OGFOD1: variants seen among roughly 807,000 people sequenced by gnomAD.
The protein encoded by OGFOD1 is 2-oxoglutarate and iron dependent oxygenase domain containing 1.
OGFOD1 carries 54 observed loss-of-function variants against 67.7 expected under a neutral mutation model. That is an observed-to-expected ratio of 0.80 (90% confidence interval 0.64 to 1.00). OGFOD1 has a LOEUF of 1.00. Ranked by LOEUF, OGFOD1 falls within the 50% of genes least tolerant of loss-of-function variation. The pLI, the probability that OGFOD1 is intolerant of heterozygous loss-of-function variation, is 0.00. For missense variants in OGFOD1, 606 were observed against 646.7 expected (o/e 0.94, Z 0.68); for synonymous variants, 221 against 227.0 (o/e 0.97, Z 0.24).
intron 4 of OGFOD1, 131 bp from the exon 5 acceptor site, chr16:56,466,021 A>G (rs1962884437): frequency 1.6e-6 from 1 of 632,458 alleles, no homozygotes; most frequent in African/African-American, 1.8e-5. Context: ...GTGTCATTTT[A>G]AAGCTGGAGG....
rs185160061 is a variant in OGFOD1, at chr16:56,458,060, G to A, written c.301-488G>A. The stretch of plus-strand genomic sequence containing the variant: ...GCAATAGCTGGAATAGGCCAGGCGC[G>A]CTTCATGCTCAGGACCTTGAATGCT... On this transcript the variant is annotated intron_variant, in intron 2 of 12. Coordinates refer to ENST00000566157, the MANE Select transcript of OGFOD1 (RefSeq NM_018233.4). 13 of 165,344 alleles carry A rather than the reference G, an allele frequency of 7.9e-5. No individual in the cohort carries two copies. In the South Asian group the frequency reaches 7.9e-4, roughly 10 times the overall value. 10.2% of individuals were successfully genotyped at this position (165,344 alleles called of 1,614,324 possible).
chr16:56,454,940 A>G (rs1194377625), intron 2 of OGFOD1: 1 of 205,518 alleles, frequency 4.9e-6, no homozygotes, highest in African/African-American at 2.4e-5. Context: ...GCACAGGTTA[A>G]TTAAAAACCG....
intron 8 of OGFOD1, among the ~76,000 whole-genome samples, chr16:56,469,421 AG>A (rs1963046947): frequency 2.0e-5 from 3 of 152,184 alleles, no homozygotes; most frequent in Non-Finnish European, 4.4e-5. Flanking sequence ...TGGGAGGTTG[AG>A]CAGATTGACG....
chr16:56,473,222 G>A (rs776716584), intron 10 of OGFOD1, among the ~76,000 whole-genome samples: 5 of 152,062 alleles, frequency 3.3e-5, no homozygotes, highest in Non-Finnish European at 7.4e-5. Flanking sequence ...GAGCCACCAC[G>A]CCTGGCCACC....
In OGFOD1 at chr16:56,476,189, T is replaced by C. The variant is rs1011096601; in HGVS notation, c.1613T>C (p.Phe538Ser). 5.0e-6 allele frequency: 8 copies of C among 1,611,700 alleles called. No homozygotes were observed. The highest frequency in any genetic ancestry group is 6.8e-6 in the Non-Finnish European group (8 of 1,179,770). Residue 538 changes from phenylalanine to serine, a missense_variant, in exon 13 of 13, where the codon TTC (phenylalanine) becomes TCC (serine). Phe to Ser is a radical substitution (Grantham distance 155, BLOSUM62 -2). Transcript: ENST00000566157. ...PNRTGFWDFSFIYYE is the reference protein window; with the variant it reads ...PNRTGFWDFSSIYYE ...AGAACAGGTTTCTGGGACTTTTCATTCATCTATTATGAATGACAGCACTGG... is the reference window on the plus strand; with the variant it reads ...AGAACAGGTTTCTGGGACTTTTCATCCATCTATTATGAATGACAGCACTGG...
chr16:56,462,359 CTA>C (rs1962739091), intron 3 of OGFOD1, among the ~76,000 whole-genome samples, 173 bp from the exon 4 acceptor site: 2 of 152,266 alleles, frequency 1.3e-5, no homozygotes, highest in South Asian at 4.1e-4. Context: ...TAGACTTAAA[CTA>C]TGCAAATTTG....
chr16:56,465,219 C>T (rs1043196176), intron 4 of OGFOD1, among the ~76,000 whole-genome samples: 1 of 152,084 alleles, frequency 6.6e-6, no homozygotes, highest in African/African-American at 2.4e-5. Context: ...AGGCTAGTCT[C>T]CAACCCCTAA....
chr16:56,467,094 T>G, intron 6 of OGFOD1, 71 bp from the exon 7 acceptor site: 1 of 1,602,680 alleles, frequency 6.2e-7, no homozygotes, highest in Non-Finnish European at 8.5e-7. Flanking sequence ...TGGAGGACCC[T>G]GAAATTAATG....
intron 8 of OGFOD1, among the ~76,000 whole-genome samples, chr16:56,468,478 T>C (rs1294550840): frequency 2.0e-5 from 3 of 152,110 alleles, no homozygotes; most frequent in African/African-American, 4.8e-5. Context: ...TCCCAGTACT[T>C]TGGGAGGCCG....
intron 4 of OGFOD1, 22 bp downstream of exon 4, chr16:56,462,656 T>C: frequency 7.2e-7 from 1 of 1,392,592 alleles, no homozygotes. Flanking sequence ...AAAGGCCTGG[T>C]GTCTGTAAGA....
chr16:56,470,702 C>T lies in OGFOD1; in HGVS notation c.1196C>T (p.Pro399Leu). The change falls in exon 10 of 13, where the codon CCA (proline) becomes CTA (leucine). Residue 399 changes from proline to leucine, a missense_variant. Pro to Leu is a moderately conservative substitution (Grantham distance 98, BLOSUM62 -3). Coordinates refer to ENST00000566157, the MANE Select transcript of OGFOD1 (RefSeq NM_018233.4). ...GGGACTAGCCATAGTCCTCCTGAGC[C>T]AGAGAATAATCAGATGGCCATCAGC... Reference protein sequence around the residue: ...EEGTSHSPPEPENNQMAISNN... With the variant: ...EEGTSHSPPELENNQMAISNN... 1.9e-6 allele frequency: 3 copies of T among 1,614,034 alleles called. No individual in the cohort carries two copies. The highest frequency in any genetic ancestry group is 2.5e-6 in the Non-Finnish European group (3 of 1,179,990).
intron 10 of OGFOD1, among the ~76,000 whole-genome samples, chr16:56,473,894 C>T (rs1024777473): frequency 6.6e-6 from 1 of 152,020 alleles, no homozygotes; most frequent in South Asian, 2.1e-4. Context: ...GCAACCTCTG[C>T]CTCCCAGGTT....
intron 10 of OGFOD1, among the ~76,000 whole-genome samples, chr16:56,471,238 T>C (rs1400643424): frequency 6.6e-6 from 1 of 151,490 alleles, no homozygotes; most frequent in Non-Finnish European, 1.5e-5. Context: ...GGTGAACGCC[T>C]GTAATCCAAG....
intron 10 of OGFOD1, among the ~76,000 whole-genome samples, chr16:56,473,602 A>T (rs1298474533): frequency 6.6e-6 from 1 of 152,134 alleles, no homozygotes; most frequent in Non-Finnish European, 1.5e-5. Flanking sequence ...GCAAACTGTT[A>T]TATTTTCTTT....
At chr16:56,458,290 A>G (rs574465469) in intron 2 of OGFOD1, 23 of 453,912 alleles carry the variant, frequency 5.1e-5, no homozygotes, top group Middle Eastern at 5.0e-4. Context: ...TCTGTTGTCT[A>G]TCTCCCTCAA....
At chr16:56,459,775 T>C (rs546734835) in intron 3 of OGFOD1, among the ~76,000 whole-genome samples, 4 of 152,240 alleles carry the variant, frequency 2.6e-5, no homozygotes, top group Non-Finnish European at 5.9e-5. Context: ...CATCACGTGA[T>C]CTTATTTTAA....
chr16:56,460,829 G>T (rs2143990160), intron 3 of OGFOD1, among the ~76,000 whole-genome samples: 1 of 152,290 alleles, frequency 6.6e-6, no homozygotes, highest in Non-Finnish European at 1.5e-5. Flanking sequence ...AGCGTAACTT[G>T]AACTAATGTA....
At chr16:56,453,668 C>G in intron 2 of OGFOD1, 1 of 258,592 alleles carries the variant, frequency 3.9e-6, no homozygotes, top group Non-Finnish European at 7.4e-6. Context: ...AAGCTCTGTA[C>G]TCTCAAAGAC....
intron 5 of OGFOD1, 25 bp downstream of exon 5, chr16:56,466,293 C>CT (rs781449981): frequency 6.9e-7 from 1 of 1,445,720 alleles, no homozygotes; most frequent in East Asian, 2.3e-5. Context: ...AGTGCATGCA[C>CT]TTCACCACCA....
Sources: gnomAD v4.1 joint callset for allele counts (sites outside exome capture counted in the v4.1 genomes callset) on GRCh38, gnomAD v4.1.1 for gene constraint, MANE v1.5 for transcripts, NCBI Gene and HGNC (gene_info 2026-07-23, HGNC 2026-07-21) for gene names.